The following CNTN3 variants were observed in gnomAD, a reference collection of about 807,000 sequenced individuals.
The protein encoded by CNTN3 is contactin 3, also known as contactin-3.
Under a neutral mutation model 119.1 loss-of-function variants are expected in CNTN3, and 60 were observed. That is an observed-to-expected ratio of 0.50 (90% CI 0.41 to 0.62). CNTN3 has a LOEUF of 0.62. Among genes scored for constraint, CNTN3 ranks in the 20% least tolerant of loss-of-function variants. The pLI, the probability that CNTN3 is intolerant of heterozygous loss-of-function variation, is 0.00. For missense variants in CNTN3, 1,101 were observed against 1,242.4 expected, an observed-to-expected ratio of 0.89 and a Z score of 1.71; for synonymous variants, 450 against 438.7, an observed-to-expected ratio of 1.03 and a Z score of -0.32.
intron 5 of CNTN3, among the ~76,000 whole-genome samples, chr3:74,411,804 A>G (rs1188639578): frequency 2.0e-5 from 3 of 152,212 alleles, no homozygotes; most frequent in African/African-American, 7.2e-5. Flanking sequence ...CAGTGCTAAC[A>G]ATGTTACTTA....
At chr3:74,310,272 C>A (rs1001210030) in intron 13 of CNTN3, among the ~76,000 whole-genome samples, 1 of 152,096 alleles carries the variant, frequency 6.6e-6, no homozygotes, top group African/African-American at 2.4e-5. Context: ...TCATGTTATG[C>A]CAAATGCCAT....
chr3:74,422,145 C>T (rs534512242), intron 5 of CNTN3, among the ~76,000 whole-genome samples: 64 of 152,286 alleles, frequency 4.2e-4, no homozygotes, highest in African/African-American at 1.4e-3. Flanking sequence ...CAACATAGGC[C>T]TGCCCTCAAG....
At chr3:74,571,615 A>C (rs555196289) in intron 1 of CNTN3, among the ~76,000 whole-genome samples, 40 of 152,318 alleles carry the variant, frequency 2.6e-4, no homozygotes, top group Admixed American at 3.3e-4. Context: ...ATATGTTCAC[A>C]AAGTGGTAGT....
intron 3 of CNTN3, among the ~76,000 whole-genome samples, chr3:74,489,314 C>T (rs376468589): frequency 2.0e-5 from 3 of 152,234 alleles, no homozygotes; most frequent in East Asian, 3.9e-4. Context: ...GGACTGCCTA[C>T]AGTAGACACA....
chr3:74,414,079 G>A (rs1279060606), intron 5 of CNTN3, among the ~76,000 whole-genome samples: 2 of 152,196 alleles, frequency 1.3e-5, no homozygotes, highest in African/African-American at 2.4e-5. Context: ...AGTTGACTGC[G>A]AAGCACCCAC....
chr3:74,469,790 C>T (rs1702527332), intron 4 of CNTN3, among the ~76,000 whole-genome samples: 2 of 152,096 alleles, frequency 1.3e-5, no homozygotes, highest in Admixed American at 6.6e-5. Context: ...AACAGTCTGC[C>T]GTTTACTTAA....
At chr3:74,525,751 T>C (rs920017749) in intron 1 of CNTN3, among the ~76,000 whole-genome samples, 1 of 151,886 alleles carries the variant, frequency 6.6e-6, no homozygotes, top group Non-Finnish European at 1.5e-5. Flanking sequence ...AACTGTACTA[T>C]CTATTCTTAA....
intron 20 of CNTN3, among the ~76,000 whole-genome samples, chr3:74,282,279 A>G (rs1340932632): frequency 6.6e-6 from 1 of 152,260 alleles, no homozygotes. Context: ...CAGAAATATC[A>G]TCTAAAATCT....
intron 1 of CNTN3, among the ~76,000 whole-genome samples, chr3:74,607,474 T>C (rs143637000): frequency 2.6e-5 from 4 of 152,292 alleles, no homozygotes; most frequent in Non-Finnish European, 5.9e-5. Flanking sequence ...CATGAAGCAT[T>C]CAGTTGGGGC....
chr3:74,363,304 G>GT (rs1704117432), intron 10 of CNTN3, among the ~76,000 whole-genome samples: 1 of 152,052 alleles, frequency 6.6e-6, no homozygotes, highest in South Asian at 2.1e-4. Context: ...TTAAAGCAGG[G>GT]TTTTTTCAAT....
At chr3:74,364,739 C>T (rs868525010) in intron 9 of CNTN3, 143 bp from the exon 10 acceptor site, 3 of 607,812 alleles carry the variant, frequency 4.9e-6, no homozygotes, top group Middle Eastern at 3.8e-4. Context: ...TTAACCTTTT[C>T]CTTATTTTAA....
At chr3:74,395,341 A>T (rs1304343772) in intron 5 of CNTN3, among the ~76,000 whole-genome samples, 1 of 151,404 alleles carries the variant, frequency 6.6e-6, no homozygotes, top group Non-Finnish European at 1.5e-5. Flanking sequence ...ATGTTAAAAC[A>T]TCCACACTGC....
intron 3 of CNTN3, among the ~76,000 whole-genome samples, chr3:74,496,535 C>T (rs1223469520): frequency 6.6e-6 from 1 of 151,986 alleles, no homozygotes; most frequent in East Asian, 1.9e-4. Flanking sequence ...CTATTTTACC[C>T]CAATCTCACT....
chr3:74,537,647 G>A (rs1337462837), intron 1 of CNTN3, among the ~76,000 whole-genome samples: 1 of 152,082 alleles, frequency 6.6e-6, no homozygotes, highest in Non-Finnish European at 1.5e-5. Context: ...CAGTAGGGAA[G>A]GCAGAGGAAG....
chr3:74,301,580 C>A (rs1299249205), intron 15 of CNTN3, 33 bp from the exon 16 acceptor site: 1 of 1,612,242 alleles, frequency 6.2e-7, no homozygotes. Context: ...TAAGAGTCTG[C>A]CTGCTTTAGC....
At chr3:74,317,307 T>A (rs1702857183) in intron 13 of CNTN3, among the ~76,000 whole-genome samples, 1 of 151,378 alleles carries the variant, frequency 6.6e-6, no homozygotes, top group Admixed American at 6.6e-5. Flanking sequence ...CCAGTCTGTG[T>A]CTTTTAATTG....
intron 1 of CNTN3, among the ~76,000 whole-genome samples, chr3:74,598,920 T>C (rs546463695): frequency 6.6e-6 from 1 of 152,034 alleles, no homozygotes; most frequent in Non-Finnish European, 1.5e-5. Context: ...TAATAATTGC[T>C]ATCATAACAA....
intron 1 of CNTN3, among the ~76,000 whole-genome samples, chr3:74,590,476 AG>A (rs1259113945): frequency 6.6e-6 from 1 of 152,018 alleles, no homozygotes; most frequent in East Asian, 1.9e-4. Flanking sequence ...ACACAGAGAC[AG>A]GGACGCAGTG....
intron 5 of CNTN3, among the ~76,000 whole-genome samples, chr3:74,413,714 G>A (rs1176242993): frequency 6.6e-6 from 1 of 152,132 alleles, no homozygotes; most frequent in Non-Finnish European, 1.5e-5. Context: ...GAGTTTCTGT[G>A]AATGAATTCT....
Sources: allele counts gnomAD v4.1 joint callset (sites outside exome capture counted in the v4.1 genomes callset), GRCh38; gene constraint gnomAD v4.1.1; transcripts MANE v1.5; gene names NCBI Gene and HGNC (gene_info 2026-07-23, HGNC 2026-07-21).